BANP: variants seen among roughly 807,000 people sequenced by gnomAD.
BANP encodes BTG3 associated nuclear protein.
BANP carries 11 observed loss-of-function variants against 68.1 expected under a neutral mutation model. That is an observed-to-expected ratio of 0.16 (90% CI 0.10 to 0.27). The LOEUF is 0.27. Among genes scored for constraint, BANP ranks in the 10% least tolerant of loss-of-function variants. The pLI, the probability that BANP is intolerant of heterozygous loss-of-function variation, is 1.00. For synonymous variants in BANP, 329 were observed against 303.2 expected (o/e 1.09, Z -0.88); for missense variants, 504 against 722.7 (o/e 0.70, Z 3.47).
At chr16:88,038,169 G>T (rs1017324486) in intron 11 of BANP, among the ~76,000 whole-genome samples, 158 bp downstream of exon 11, 1 of 151,294 alleles carries the variant, frequency 6.6e-6, no homozygotes, top group Admixed American at 6.6e-5. Context: ...GGGGTGGGAC[G>T]GTCATTGTGG....
chr16:87,993,966 A>C (rs1005165507), intron 4 of BANP, among the ~76,000 whole-genome samples: 1 of 151,432 alleles, frequency 6.6e-6, no homozygotes, highest in South Asian at 2.1e-4. Flanking sequence ...TGCTTGTCCC[A>C]GCCTAGAATG....
At chr16:88,021,206 C>G (rs2075968205) in intron 7 of BANP, among the ~76,000 whole-genome samples, 1 of 152,218 alleles carries the variant, frequency 6.6e-6, no homozygotes, top group African/African-American at 2.4e-5. Context: ...GTTCACCAGG[C>G]TGCTGAACCT....
intron 1 of BANP, among the ~76,000 whole-genome samples, chr16:87,966,481 G>T (rs1406387709): frequency 1.3e-5 from 2 of 152,156 alleles, no homozygotes; most frequent in Admixed American, 6.5e-5. Context: ...TGGGCTTGTT[G>T]CCCTAGTTTT....
chr16:88,012,816 A>G (rs564787373), intron 6 of BANP, among the ~76,000 whole-genome samples: 15 of 152,346 alleles, frequency 9.8e-5, no homozygotes, highest in Admixed American at 2.0e-4. Flanking sequence ...TTGTGTTTCA[A>G]TTATTGGTTA....
chr16:88,025,766 A>T (rs1361630235), intron 7 of BANP, among the ~76,000 whole-genome samples: 2 of 152,204 alleles, frequency 1.3e-5, no homozygotes, highest in Non-Finnish European at 2.9e-5. Flanking sequence ...TTTAGTCTCA[A>T]TGGGAACAGA....
chr16:87,955,755 G>A (rs1567567741), intron 1 of BANP, among the ~76,000 whole-genome samples: 1 of 152,084 alleles, frequency 6.6e-6, no homozygotes, highest in Non-Finnish European at 1.5e-5. Flanking sequence ...GCAAGTGATC[G>A]GGGTAACACC....
intron 11 of BANP, among the ~76,000 whole-genome samples, chr16:88,059,987 G>T (rs983683473): frequency 6.6e-6 from 1 of 152,254 alleles, no homozygotes; most frequent in Non-Finnish European, 1.5e-5. Flanking sequence ...GGGGTTCTCC[G>T]TGTAGTGTGT....
At chr16:88,030,453 C>A (rs934415555) in intron 8 of BANP, among the ~76,000 whole-genome samples, 16 of 152,168 alleles carry the variant, frequency 1.1e-4, no homozygotes, top group African/African-American at 3.9e-4. Context: ...CGGGTACGTG[C>A]ATTTGGTAAG....
At position 88,001,188 on chromosome 16, in the gene BANP, G is replaced by A. The variant is rs1243515027; in HGVS notation, c.363-3107G>A. 3.7e-5 allele frequency among the ~76,000 whole-genome samples: 4 copies of A among 108,610 alleles called. 1 individual carries two copies. The highest frequency in any genetic ancestry group is 9.9e-5 in the Admixed American group (1 of 10,098). 71.3% of individuals were successfully genotyped at this position (108,610 alleles called of 152,430 possible). A position where few individuals can be genotyped will look rare whatever the true frequency, so the allele number is the denominator to read the frequency against. ...GACACATCTCCATGCACGCACGTGT[G>A]CGGCTGTACTTACCTGTCCTTCCAG... On this transcript the variant is annotated intron_variant, in intron 4 of 13. Coordinates refer to ENST00000682872, the MANE Select transcript of BANP (RefSeq NM_001386991.1).
chr16:88,059,940 A>G (rs1478912780), intron 11 of BANP, among the ~76,000 whole-genome samples: 2 of 152,194 alleles, frequency 1.3e-5, no homozygotes, highest in Admixed American at 6.5e-5. Context: ...CCAGACCTGC[A>G]CACACACACC....
At chr16:88,072,623 C>T (rs535526610) in intron 13 of BANP, among the ~76,000 whole-genome samples, 4 of 152,362 alleles carry the variant, frequency 2.6e-5, no homozygotes, top group Admixed American at 1.3e-4. Context: ...GTGGCCCTAG[C>T]GTCCACGAAA....
rs765066424 is a variant in BANP at position 88,071,821 on chromosome 16, G to T, written c.1378-248G>T. ...TTTTTCCCTTTTTTCTGCTCTGTAG[G>T]TGCTTGAGGGCGGAGTTGCAGATCC... On this transcript the variant is annotated intron_variant, in intron 12 of 13. Coordinates refer to ENST00000682872, the MANE Select transcript of BANP (RefSeq NM_001386991.1). This position sits in a 1 kb window ranked among gnomAD's most constrained non-coding sequence, Gnocchi z 6.5. 4 of 695,382 alleles carry T rather than the reference G, an allele frequency of 5.8e-6. No homozygotes were observed. In the African/African-American group the frequency reaches 7.0e-5, roughly 12 times the overall value. 43.1% of individuals were successfully genotyped at this position (695,382 alleles called of 1,614,324 possible).
chr16:87,971,746 C>T (rs926570429), intron 1 of BANP, among the ~76,000 whole-genome samples: 1 of 151,944 alleles, frequency 6.6e-6, no homozygotes. Flanking sequence ...GTCCTGTTTT[C>T]TGGAGAGCTT....
rs12933189 is a variant in BANP, at chr16:88,047,738, C to A, written c.1311+9727C>A. ...GAGCACAGAGCACTCCTGCAGACCA[C>A]GTTCAGGTCCTCAGAGGATTTAAAA... On this transcript the variant is annotated intron_variant, in intron 11 of 13. Transcript: ENST00000682872. Among the ~76,000 whole-genome samples the A allele has an allele frequency of 3.3e-3, 500 of 152,248 alleles. 2 individuals are homozygous for A. Among genetic ancestry groups the A allele is most frequent in the Non-Finnish European group, 5.4e-3 (366 of 68,024 alleles).
chr16:87,971,672 G>C (rs1426853270), intron 1 of BANP, among the ~76,000 whole-genome samples: 1 of 150,610 alleles, frequency 6.6e-6, no homozygotes, highest in African/African-American at 2.4e-5. Context: ...TGGTGGTTTT[G>C]TTTTTGTTTT....
intron 1 of BANP, among the ~76,000 whole-genome samples, chr16:87,966,424 A>T (rs1186048149): frequency 6.6e-6 from 1 of 152,234 alleles, no homozygotes; most frequent in East Asian, 1.9e-4. Flanking sequence ...TGGCAAATTT[A>T]ATTTGCCAAA....
At chr16:88,032,911 T>A (rs1378519017) in intron 8 of BANP, among the ~76,000 whole-genome samples, 198 bp from the exon 9 acceptor site, 5 of 152,228 alleles carry the variant, frequency 3.3e-5, no homozygotes, top group African/African-American at 1.2e-4. Context: ...GCATTCCATG[T>A]CGGAAGCCTC....
chr16:87,971,783 A>C (rs2061175950), intron 1 of BANP, among the ~76,000 whole-genome samples: 1 of 151,432 alleles, frequency 6.6e-6, no homozygotes, highest in South Asian at 2.1e-4. Context: ...TTGGTATTCC[A>C]TTTCATTGCT....
intron 9 of BANP, among the ~76,000 whole-genome samples, chr16:88,034,201 G>T (rs1044597350): frequency 2.0e-4 from 30 of 152,224 alleles, no homozygotes; most frequent in African/African-American, 5.3e-4. Context: ...AGATGAGACA[G>T]TTATGAATAG....
Sources: allele counts gnomAD v4.1 joint callset (sites outside exome capture counted in the v4.1 genomes callset), GRCh38; gene constraint gnomAD v4.1.1; non-coding constraint Gnocchi (gnomAD v3.1); transcripts MANE v1.5; gene names NCBI Gene and HGNC (gene_info 2026-07-23, HGNC 2026-07-21).